MAP3K20: variants seen among roughly 807,000 people sequenced by gnomAD.
MAP3K20 encodes the protein HCCS-4.
Under a neutral mutation model 85.7 loss-of-function variants are expected in MAP3K20, and 40 were observed. The ratio of observed to expected loss-of-function variants is 0.47; its 90% CI spans 0.36 to 0.61. The LOEUF is 0.61. Among genes scored for constraint, MAP3K20 ranks in the 20% least tolerant of loss-of-function variants. MAP3K20 has a pLI of 0.00. For missense variants in MAP3K20, 817 were observed against 961.7 expected (o/e 0.85, Z 1.99); for synonymous variants, 325 against 327.7 (o/e 0.99, Z 0.09).
At chr2:173,140,022 T>TATTTATTC (rs1283661393) in intron 2 of MAP3K20, among the ~76,000 whole-genome samples, 1 of 152,112 alleles carries the variant, frequency 6.6e-6, no homozygotes, top group East Asian at 1.9e-4. Context: ...TTTATTTATT[T>TATTTATTC]ATTTATTAGA....
intron 2 of MAP3K20, among the ~76,000 whole-genome samples, chr2:173,113,506 C>T (rs1688031550): frequency 6.6e-6 from 1 of 152,050 alleles, no homozygotes; most frequent in Non-Finnish European, 1.5e-5. Flanking sequence ...TGTGCTCGTT[C>T]AGTCTTTGAT....
At chr2:173,237,739 T>C (rs570344765) in intron 14 of MAP3K20, among the ~76,000 whole-genome samples, 37 of 152,380 alleles carry the variant, frequency 2.4e-4, no homozygotes, top group Admixed American at 1.2e-3. Context: ...TCTGGTGTTA[T>C]GTGCTGTGCT....
intron 2 of MAP3K20, among the ~76,000 whole-genome samples, chr2:173,114,911 C>G (rs1479240196): frequency 6.6e-6 from 1 of 152,204 alleles, no homozygotes; most frequent in Non-Finnish European, 1.5e-5. Flanking sequence ...CAGTGAATTT[C>G]CCAGATGTTC....
At chr2:173,092,792 C>A (rs56342397) in intron 2 of MAP3K20, among the ~76,000 whole-genome samples, 17 of 152,014 alleles carry the variant, frequency 1.1e-4, no homozygotes, top group African/African-American at 1.2e-4. Context: ...CCACTCCCCC[C>A]TCCCCAAGGA....
intron 9 of MAP3K20, among the ~76,000 whole-genome samples, chr2:173,207,928 A>G (rs1683744301): frequency 6.6e-6 from 1 of 152,196 alleles, no homozygotes; most frequent in African/African-American, 2.4e-5. Flanking sequence ...GGTTCTGACT[A>G]TAAAATTAAA....
intron 2 of MAP3K20, among the ~76,000 whole-genome samples, chr2:173,141,038 A>C (rs1020439930): frequency 6.6e-6 from 1 of 152,204 alleles, no homozygotes; most frequent in Admixed American, 6.5e-5. Flanking sequence ...TATATATCAT[A>C]AAAACGTGTC....
chr2:173,165,267 A>T (rs548493968), intron 2 of MAP3K20, among the ~76,000 whole-genome samples: 24 of 152,068 alleles, frequency 1.6e-4, no homozygotes, highest in African/African-American at 5.1e-4. Context: ...AAATACAAAA[A>T]TTAGCTGGGT....
At chr2:173,104,204 G>A (rs1465561239) in intron 2 of MAP3K20, among the ~76,000 whole-genome samples, 1 of 152,194 alleles carries the variant, frequency 6.6e-6, no homozygotes, top group Non-Finnish European at 1.5e-5. Context: ...ACCAAGTGAT[G>A]AGGGCTAACA....
chr2:173,218,276 C>A (rs1256209484), intron 11 of MAP3K20, among the ~76,000 whole-genome samples: 2 of 152,134 alleles, frequency 1.3e-5, no homozygotes, highest in Non-Finnish European at 2.9e-5. Flanking sequence ...TGTCTCCTTC[C>A]CAACTTGTGT....
chr2:173,121,742 C>T (rs1688300212), intron 2 of MAP3K20, among the ~76,000 whole-genome samples: 1 of 152,020 alleles, frequency 6.6e-6, no homozygotes. Flanking sequence ...TGGATGCCCC[C>T]CCGCCGCCCA....
At chr2:173,150,464 A>G (rs914501338) in intron 2 of MAP3K20, among the ~76,000 whole-genome samples, 1 of 152,204 alleles carries the variant, frequency 6.6e-6, no homozygotes, top group Non-Finnish European at 1.5e-5. Context: ...CTTCTCTCAT[A>G]AAAGAGAGAG....
intron 1 of MAP3K20, chr2:173,090,483 C>CTA (rs10623653): frequency 1 from 348,199 of 349,660 alleles, 173,398 homozygotes; most frequent in Middle Eastern, 1. Context: ...TTTTTGGAGT[C>CTA]AACGTTTATT....
At chr2:173,169,496 G>T (rs147275021) in intron 2 of MAP3K20, among the ~76,000 whole-genome samples, 1 of 151,978 alleles carries the variant, frequency 6.6e-6, no homozygotes, top group Non-Finnish European at 1.5e-5. Flanking sequence ...CAAGGTGGGA[G>T]GATTGCTTGA....
chr2:173,192,743 T>C (rs1473570481), intron 7 of MAP3K20, among the ~76,000 whole-genome samples: 1 of 152,234 alleles, frequency 6.6e-6, no homozygotes, highest in Non-Finnish European at 1.5e-5. Context: ...AAGATTGTTT[T>C]CTCTTGTGAA....
intron 5 of MAP3K20, among the ~76,000 whole-genome samples, chr2:173,189,038 T>C (rs879324062): frequency 9.2e-5 from 14 of 152,318 alleles, no homozygotes; most frequent in Non-Finnish European, 1.9e-4. Flanking sequence ...AAGTTACAGT[T>C]ATATGTATTA....
At chr2:173,199,433 CAT>C (rs1337072400) in intron 8 of MAP3K20, among the ~76,000 whole-genome samples, 11 of 152,232 alleles carry the variant, frequency 7.2e-5, no homozygotes, top group Admixed American at 7.2e-4. Flanking sequence ...AGTAATTCCT[CAT>C]GTGCTATTAA....
chr2:173,125,261 C>T (rs750223178), intron 2 of MAP3K20, among the ~76,000 whole-genome samples: 12 of 152,186 alleles, frequency 7.9e-5, no homozygotes, highest in East Asian at 1.9e-4. Context: ...AAAGAAAGCA[C>T]TTTAACTATG....
intron 11 of MAP3K20, chr2:173,226,190 G>A (rs1684383077): frequency 1.0e-6 from 1 of 981,034 alleles, no homozygotes; most frequent in Non-Finnish European, 1.2e-6. Context: ...AGGAATTAGG[G>A]GTCGGGGGAG....
intron 2 of MAP3K20, among the ~76,000 whole-genome samples, chr2:173,145,063 C>G (rs1284050732): frequency 6.6e-6 from 1 of 151,966 alleles, no homozygotes; most frequent in Non-Finnish European, 1.5e-5. Context: ...CTTCTTTATA[C>G]CAAATGCAAA....
Sources: gnomAD v4.1 joint callset for allele counts (sites outside exome capture counted in the v4.1 genomes callset) on GRCh38, gnomAD v4.1.1 for gene constraint, MANE v1.5 for transcripts, NCBI Gene and HGNC (gene_info 2026-07-23, HGNC 2026-07-21) for gene names.